ABTB3: variants seen among roughly 807,000 people sequenced by gnomAD.
ABTB3 encodes the protein ankyrin repeat- and BTB/POZ domain-containing protein 3.
At chr12:107,494,938 C>T in the ABTB3 span, among the ~76,000 whole-genome samples, 1 of 152,214 alleles carries the variant, frequency 6.6e-6, no homozygotes, top group Non-Finnish European at 1.5e-5. Flanking sequence ...GCCTTTTAAA[C>T]TCTGTCTCCT....
the ABTB3 span, chr12:107,618,015 G>A: frequency 5.6e-6 from 4 of 709,586 alleles, no homozygotes; most frequent in Admixed American, 5.6e-5. Context: ...CCCACTGTTA[G>A]GCCTCTGAAA....
chr12:107,496,770 A>C, the ABTB3 span, among the ~76,000 whole-genome samples: 1 of 152,172 alleles, frequency 6.6e-6, no homozygotes, highest in Admixed American at 6.5e-5. Context: ...ACGGAAGAGG[A>C]AACTGAGGCA....
chr12:107,387,471 T>C, the ABTB3 span, among the ~76,000 whole-genome samples: 2 of 152,148 alleles, frequency 1.3e-5, no homozygotes, highest in Non-Finnish European at 2.9e-5. Flanking sequence ...GGCTCAGCAG[T>C]GGCAATCCAG....
chr12:107,354,642 T>C, the ABTB3 span, among the ~76,000 whole-genome samples: 3 of 152,236 alleles, frequency 2.0e-5, no homozygotes, highest in African/African-American at 4.8e-5. Context: ...TGTTTATCCA[T>C]CAATTGCTGG....
chr12:107,588,543 CAG>C, the ABTB3 span, among the ~76,000 whole-genome samples: 1 of 152,110 alleles, frequency 6.6e-6, no homozygotes, highest in African/African-American at 2.4e-5. Flanking sequence ...TTGTTTGAGA[CAG>C]AGTCTTGCTC....
At chr12:107,651,750 A>G in the ABTB3 span, 1 of 1,614,162 alleles carries the variant, frequency 6.2e-7, no homozygotes, top group Non-Finnish European at 8.5e-7. Context: ...AAAAGCATCA[A>G]TACCGACAAC....
chr12:107,418,434 C>G, the ABTB3 span, among the ~76,000 whole-genome samples: 1 of 152,174 alleles, frequency 6.6e-6, no homozygotes, highest in East Asian at 1.9e-4. Context: ...AGTTCTGTCC[C>G]TCTAGAGAAC....
chr12:107,647,468 G>A, the ABTB3 span, among the ~76,000 whole-genome samples: 1 of 152,206 alleles, frequency 6.6e-6, no homozygotes, highest in Non-Finnish European at 1.5e-5. Context: ...CCACACCTCT[G>A]TACTCCAGCC....
the ABTB3 span, among the ~76,000 whole-genome samples, chr12:107,333,561 G>T: frequency 2.6e-5 from 4 of 152,188 alleles, no homozygotes; most frequent in African/African-American, 9.7e-5. Flanking sequence ...ATGGAGATAA[G>T]AAATATACCA....
At chr12:107,522,539 C>T in the ABTB3 span, among the ~76,000 whole-genome samples, 1 of 151,898 alleles carries the variant, frequency 6.6e-6, no homozygotes, top group Non-Finnish European at 1.5e-5. Context: ...CCCTCCCCTC[C>T]CACCCACACT....
At chr12:107,512,135 C>G in the ABTB3 span, among the ~76,000 whole-genome samples, 2 of 152,072 alleles carry the variant, frequency 1.3e-5, no homozygotes, top group African/African-American at 4.8e-5. Flanking sequence ...TCCCCTAAAT[C>G]CCCCCAAAAA....
the ABTB3 span, among the ~76,000 whole-genome samples, chr12:107,325,934 T>C: frequency 6.6e-6 from 1 of 152,212 alleles, no homozygotes; most frequent in Non-Finnish European, 1.5e-5. Context: ...AGATGGAGTT[T>C]TGCTCTTGTT....
the ABTB3 span, among the ~76,000 whole-genome samples, chr12:107,583,767 C>A: frequency 6.6e-6 from 1 of 152,184 alleles, no homozygotes; most frequent in Non-Finnish European, 1.5e-5. Flanking sequence ...TCAGCCCTGG[C>A]ATTCAGGATG....
chr12:107,618,423 C>G, the ABTB3 span: 5 of 1,528,752 alleles, frequency 3.3e-6, no homozygotes, highest in East Asian at 7.0e-5. Flanking sequence ...GTGCCCCCAG[C>G]TTTAGGTCCA....
At chr12:107,433,873 G>A in the ABTB3 span, among the ~76,000 whole-genome samples, 68 of 152,180 alleles carry the variant, frequency 4.5e-4, no homozygotes, top group Non-Finnish European at 1.6e-4. Context: ...CAAGATCAGG[G>A]ATCAGTCGGG....
chr12:107,520,626 C>T, the ABTB3 span: 45 of 1,614,018 alleles, frequency 2.8e-5, no homozygotes, highest in Admixed American at 2.2e-4. Flanking sequence ...TAGGCAGCAT[C>T]GCCGAATTGA....
the ABTB3 span, among the ~76,000 whole-genome samples, chr12:107,416,065 C>T: frequency 1.3e-5 from 2 of 152,160 alleles, no homozygotes; most frequent in African/African-American, 2.4e-5. Context: ...ATAATTCGGG[C>T]AGGCGCAGCT....
chr12:107,486,874 CA>C, the ABTB3 span, among the ~76,000 whole-genome samples: 1 of 151,842 alleles, frequency 6.6e-6, no homozygotes, highest in Non-Finnish European at 1.5e-5. Flanking sequence ...TATCATTTTA[CA>C]AATGAGGAGA....
chr12:107,516,979 T>C, the ABTB3 span, among the ~76,000 whole-genome samples: 1 of 152,252 alleles, frequency 6.6e-6, no homozygotes, highest in African/African-American at 2.4e-5. Context: ...GCCTAGGTTT[T>C]CTTCTAGGGT....
Sources: gnomAD v4.1 joint callset for allele counts (sites outside exome capture counted in the v4.1 genomes callset) on GRCh38, gnomAD v4.1.1 for gene constraint, MANE v1.5 for transcripts, NCBI Gene and HGNC (gene_info 2026-07-23, HGNC 2026-07-21) for gene names.